TMEM59L: variants seen among roughly 807,000 people sequenced by gnomAD.
TMEM59L encodes transmembrane protein 59-like.
Under a neutral mutation model 39.6 loss-of-function variants are expected in TMEM59L, and 31 were observed. The observed-to-expected ratio is 0.78, with a 90% CI of 0.59 to 1.06. The LOEUF is 1.06. TMEM59L is among the 50% of genes least tolerant of loss of function. The pLI is 0.00. For synonymous variants in TMEM59L, 219 were observed against 202.9 expected (o/e 1.08, Z -0.68); for missense variants, 441 against 451.3 (o/e 0.98, Z 0.21).
intron 7 of TMEM59L, 132 bp downstream of exon 7, chr19:18,618,624 TATATA>T: frequency 1.7e-6 from 1 of 588,372 alleles, no homozygotes; most frequent in African/African-American, 2.0e-5. Flanking sequence ...TTTTTTCATG[TATATA>T]CATATATATA....
Position 18,616,887 on chromosome 19 carries a change from C to A in TMEM59L, c.562-113C>A, listed in dbSNP as rs1053301000. On this transcript the variant is annotated intron_variant, in intron 4 of 7. Coordinates refer to ENST00000262817, the MANE Select transcript of TMEM59L (RefSeq NM_012109.3). ...CTGACATCAAGCCCACCCCTGATAC[C>A]CAGGGGAACTGGGTATCAGCTGGGC... is the stretch of plus-strand genomic sequence containing the variant. 6 of 775,752 alleles carry A rather than the reference C, an allele frequency of 7.7e-6. No homozygotes were observed. In the African/African-American group the frequency reaches 8.7e-5, roughly 11 times the overall value. The allele number at this position is 775,752 out of a possible 1,614,324, so 48.1% of individuals were successfully genotyped here.
intron 1 of TMEM59L, 129 bp downstream of exon 1, chr19:18,613,258 T>C: frequency 6.7e-6 from 5 of 748,948 alleles, no homozygotes; most frequent in Non-Finnish European, 8.9e-6. Context: ...GAGGTGGGGG[T>C]CGGGAATGGG....
intron 1 of TMEM59L, among the ~76,000 whole-genome samples, chr19:18,613,606 C>G (rs987767138): frequency 6.6e-6 from 1 of 152,106 alleles, no homozygotes; most frequent in East Asian, 1.9e-4. Context: ...CTCCATGTCT[C>G]CCCTCCTCCC....
Position 18,613,059 on chromosome 19 carries a change from C to T in TMEM59L, c.101C>T (p.Pro34Leu), listed in dbSNP as rs1452663152. 2 of 1,385,648 alleles carry T rather than the reference C, an allele frequency of 1.4e-6. No homozygotes were observed. The highest frequency in any genetic ancestry group is 3.2e-5 in the Admixed American group (1 of 30,936). The allele number at this position is 1,385,648 out of a possible 1,614,324, so 85.8% of individuals were successfully genotyped here. A position where few individuals can be genotyped will look rare whatever the true frequency, so the allele number is the denominator to read the frequency against. Residue 34 changes from proline to leucine, a missense_variant, in exon 1 of 8, where the codon CCC becomes CTC. Coordinates refer to ENST00000262817, the MANE Select transcript of TMEM59L (RefSeq NM_012109.3). The part of the protein sequence containing the change: ...SAPSARDPFA[P>L]QLGDTQNCQL... ...CCGTCCGCCCGCGATCCCTTCGCCC[C>T]CCAGCTCGGGGACACGCAGAACTGC...
intron 1 of TMEM59L, 85 bp from the exon 2 acceptor site, chr19:18,613,787 C>G (rs900333279): frequency 1.8e-6 from 2 of 1,133,132 alleles, no homozygotes; most frequent in African/African-American, 1.5e-5. Context: ...GGAAGCCTTT[C>G]CCTGCCTCTG....
intron 3 of TMEM59L, among the ~76,000 whole-genome samples, chr19:18,614,836 G>A (rs1257839859): frequency 6.6e-6 from 1 of 152,234 alleles, no homozygotes; most frequent in African/African-American, 2.4e-5. Flanking sequence ...AGAAAATCAT[G>A]TAGCATAGCC....
chr19:18,619,721 G>A (rs1023608340), intron 7 of TMEM59L, among the ~76,000 whole-genome samples: 101 of 150,200 alleles, frequency 6.7e-4, no homozygotes, highest in African/African-American at 2.4e-3. Flanking sequence ...GGAGAATGGC[G>A]TGAACCCAGG....
rs778140206 is a variant in TMEM59L at position 18,620,379 on chromosome 19, C to T, written c.901-29C>T. The T allele has an allele frequency of 5.0e-6, 8 of 1,588,166 alleles. No individual in the cohort carries two copies. The African/African-American group carries it at 1.1e-4, about 21-fold the overall frequency. On this transcript the variant is annotated intron_variant, in intron 7 of 7. Coordinates refer to ENST00000262817, the MANE Select transcript of TMEM59L (RefSeq NM_012109.3). ...GGGGCTCGGCCTCTCCCCGTCCCTC[C>T]ACTTCCCTCCTCCCCTCTCTTCCTG...
intron 5 of TMEM59L, chr19:18,617,593 T>C (rs1290955289): frequency 2.2e-6 from 1 of 456,364 alleles, no homozygotes; most frequent in South Asian, 1.6e-5. Context: ...TAGGGTCATC[T>C]CCTAGGGTCC....
At chr19:18,615,602 GTTTA>G (rs995136386) in intron 3 of TMEM59L, among the ~76,000 whole-genome samples, 11 of 152,114 alleles carry the variant, frequency 7.2e-5, no homozygotes, top group African/African-American at 2.7e-4. Context: ...TCTCCTGTTA[GTTTA>G]TTTATTCATT....
rs1198076809 is a variant in TMEM59L at position 18,617,073 on chromosome 19, C to T, written c.635C>T (p.Ser212Phe). The change falls in exon 5 of 8, where the codon TCC becomes TTC. Residue 212 changes from serine (S) to phenylalanine (F), a missense_variant. Physicochemically the swap from Ser to Phe is radical, Grantham distance 155 (BLOSUM62 -2). Transcript: ENST00000262817. ...LQRVEVTWRG[S>F]HPEALEVHVD... ...CGCGTGGAGGTGACCTGGCGAGGCT[C>T]CCACCCTGAAGCCCTGGAGGTGCAC... 4.3e-6 allele frequency: 7 copies of T among 1,613,296 alleles called. No individual in the cohort carries two copies. Among genetic ancestry groups the T allele is most frequent in the Non-Finnish European group, 5.9e-6 (7 of 1,179,918 alleles).
chr19:18,613,387 G>T (rs1976391694), intron 1 of TMEM59L, among the ~76,000 whole-genome samples: 1 of 152,016 alleles, frequency 6.6e-6, no homozygotes, highest in African/African-American at 2.4e-5. Context: ...ACTCTGCTGG[G>T]TAAGGACCCT....
intron 3 of TMEM59L, among the ~76,000 whole-genome samples, chr19:18,614,402 T>A (rs1274170711): frequency 6.6e-6 from 1 of 152,180 alleles, no homozygotes; most frequent in East Asian, 1.9e-4. Context: ...TTTTCAGGAA[T>A]AAGTGGCAGA....
chr19:18,620,163 G>C (rs906136537), intron 7 of TMEM59L, among the ~76,000 whole-genome samples: 1 of 151,908 alleles, frequency 6.6e-6, no homozygotes, highest in Non-Finnish European at 1.5e-5. Flanking sequence ...TTAGCTGGGC[G>C]TGGTGGCGTG....
intron 5 of TMEM59L, 47 bp downstream of exon 5, chr19:18,617,149 G>A (rs1309556379): frequency 2.1e-6 from 3 of 1,454,742 alleles, no homozygotes; most frequent in Non-Finnish European, 2.9e-6. Flanking sequence ...TGGCCCCACT[G>A]CCACAAGGAG....
chr19:18,617,205 A>C, intron 5 of TMEM59L, 103 bp downstream of exon 5: 8 of 860,582 alleles, frequency 9.3e-6, no homozygotes, highest in Non-Finnish European at 1.5e-5. Context: ...TCCATCTCTC[A>C]AGTCCTGGGT....
chr19:18,616,688 G>T (rs1242327166), intron 4 of TMEM59L, among the ~76,000 whole-genome samples: 3 of 152,140 alleles, frequency 2.0e-5, no homozygotes, highest in African/African-American at 4.8e-5. Context: ...CCACTGCCCC[G>T]GCTCCCTCTG....
At position 18,614,213 on chromosome 19, in the gene TMEM59L, G is replaced by T. The variant is rs766691892; in HGVS notation, c.408+18G>T. On this transcript the variant is annotated intron_variant, in intron 3 of 7. Transcript: ENST00000262817. ...AGCAGAAGGTGGGCCTCCCACTGCG[G>T]CCTGGGGTCCCTTTTCCCAATACCC... 2.5e-5 allele frequency: 40 copies of T among 1,572,416 alleles called. No individual in the cohort carries two copies. Among genetic ancestry groups the T allele is most frequent in the Non-Finnish European group, 3.4e-5 (39 of 1,162,646 alleles).
intron 7 of TMEM59L, 43 bp downstream of exon 7, chr19:18,618,535 G>A (rs922855689): frequency 8.3e-6 from 13 of 1,563,538 alleles, no homozygotes; most frequent in Admixed American, 1.8e-5. Flanking sequence ...GGGAGGGGGT[G>A]AAGGCAGAGA....
Sources: gnomAD v4.1 joint callset for allele counts (sites outside exome capture counted in the v4.1 genomes callset) on GRCh38, gnomAD v4.1.1 for gene constraint, MANE v1.5 for transcripts, NCBI Gene and HGNC (gene_info 2026-07-23, HGNC 2026-07-21) for gene names.